Variants in ACSS2 observed in about 807,000 individuals in gnomAD.
ACSS2 encodes acetyl-coenzyme A synthetase, cytoplasmic.
Under a neutral mutation model 90.6 loss-of-function variants are expected in ACSS2, and 58 were observed. The observed-to-expected ratio is 0.64, with a 90% CI of 0.52 to 0.80. The LOEUF is 0.80. ACSS2 is among the 30% of genes least tolerant of loss of function. The probability of loss-of-function intolerance (pLI) is 0.00; values close to 1 mark genes in which losing one functional copy is unlikely to be tolerated. For missense variants in ACSS2, 759 were observed against 912.0 expected (o/e 0.83, Z 2.16); for synonymous variants, 300 against 330.9 (o/e 0.91, Z 1.01).
chr20:34,927,376 CTG>C lies in ACSS2; in HGVS notation c.*165_*166del. The C allele has an allele frequency of 2.1e-6, 2 of 937,054 alleles. No homozygotes were observed. Among genetic ancestry groups the C allele is most frequent in the Admixed American group, 2.3e-5 (1 of 43,442 alleles). The allele number at this position is 937,054 out of a possible 1,614,324, so 58.0% of individuals were successfully genotyped here. ...TTTGTCTCCAGGTAGAGACAACATC[CTG>C]TGACTGCCAGGCAGAAAGGACAGGG... On this transcript the variant is annotated 3_prime_UTR_variant, in exon 18 of 18. Transcript: ENST00000360596. This position sits in a 1 kb window ranked among gnomAD's most constrained non-coding sequence, Gnocchi z 4.2.
At position 34,913,310 on chromosome 20, in the gene ACSS2, C is replaced by CTGGGAGGGAGGCCAGCTGGA. The variant is rs1340689929; in HGVS notation, c.467-72_467-53dup. 1.9e-6 allele frequency: 3 copies of CTGGGAGGGAGGCCAGCTGGA among 1,548,228 alleles called. No homozygotes were observed. The African/African-American group carries it at 4.1e-5, about 21-fold the overall frequency. On this transcript the variant is annotated intron_variant, in intron 3 of 17. Transcript: ENST00000360596. ...GTAACAGAGGAAGAGAACAGGTCAG[C>CTGGGAGGGAGGCCAGCTGGA]TGGGAGGGAGGCCAGCTGGATGGGA... is the stretch of plus-strand genomic sequence containing the variant.
intron 1 of ACSS2, among the ~76,000 whole-genome samples, chr20:34,877,800 C>A (rs1244518238): frequency 8.4e-6 from 1 of 118,398 alleles, no homozygotes; most frequent in Non-Finnish European, 1.6e-5. Context: ...GCCTGGGCGA[C>A]AGAGCAAGAC....
chr20:34,900,158 T>A (rs79477876), intron 2 of ACSS2, among the ~76,000 whole-genome samples: 8,850 of 146,196 alleles, frequency 0.061, 945 homozygotes, highest in African/African-American at 0.22. Context: ...TCCTTGACCA[T>A]GCCTGACCTT....
intron 2 of ACSS2, among the ~76,000 whole-genome samples, chr20:34,907,819 T>C (rs1181415441): frequency 6.6e-6 from 1 of 152,234 alleles, no homozygotes; most frequent in Non-Finnish European, 1.5e-5. Flanking sequence ...TTTCCCACTT[T>C]AGTAAGCTCC....
At chr20:34,916,042 A>G (rs1270437728) in intron 7 of ACSS2, among the ~76,000 whole-genome samples, 1 of 152,192 alleles carries the variant, frequency 6.6e-6, no homozygotes, top group Non-Finnish European at 1.5e-5. Context: ...GGATTTTACC[A>G]TCTTCACAGG....
intron 2 of ACSS2, among the ~76,000 whole-genome samples, chr20:34,906,459 A>C (rs2080808895): frequency 2.0e-5 from 3 of 152,160 alleles, no homozygotes; most frequent in Admixed American, 2.0e-4. Flanking sequence ...TGTCAGAGAA[A>C]GAAGACACTG....
At chr20:34,924,391 A>G (rs1233798196) in intron 14 of ACSS2, among the ~76,000 whole-genome samples, 1 of 152,246 alleles carries the variant, frequency 6.6e-6, no homozygotes, top group Non-Finnish European at 1.5e-5. Context: ...GTGTGCAGGG[A>G]TGGCTACTGT....
chr20:34,889,393 A>C (rs2080279564), intron 2 of ACSS2, among the ~76,000 whole-genome samples: 1 of 120,228 alleles, frequency 8.3e-6, no homozygotes, highest in South Asian at 3.1e-4. Context: ...AAGTGCTGGG[A>C]TTACAGGCGT....
chr20:34,923,176 G>A, intron 13 of ACSS2, 147 bp from the exon 14 acceptor site: 2 of 624,796 alleles, frequency 3.2e-6, no homozygotes, highest in South Asian at 3.8e-5. Flanking sequence ...CTAGTAAGTG[G>A]TAGAGCTGGG....
intron 2 of ACSS2, among the ~76,000 whole-genome samples, chr20:34,905,262 GT>G (rs34401220): frequency 7.4e-4 from 103 of 139,088 alleles, no homozygotes; most frequent in East Asian, 1.0e-3. Flanking sequence ...AAATTCAGAA[GT>G]TTTTTTTTTT....
chr20:34,898,859 TC>T (rs1339393767), intron 2 of ACSS2, among the ~76,000 whole-genome samples: 1 of 148,522 alleles, frequency 6.7e-6, no homozygotes, highest in Non-Finnish European at 1.5e-5. Flanking sequence ...GGGGCGGTGC[TC>T]GTCGGGGGGG....
rs1441715187 is a variant in ACSS2 at position 34,882,818 on chromosome 20, A to C, written c.203A>C (p.Glu68Ala). ...PREFWGDIAKEFYWKTPCPGP... is the reference protein window; with the variant it reads ...PREFWGDIAKAFYWKTPCPGP... ...GAATTCTGGGGAGACATTGCCAAGGAATTTTACTGGAAGACTCCATGCCCT... is the reference window on the plus strand; with the variant it reads ...GAATTCTGGGGAGACATTGCCAAGGCATTTTACTGGAAGACTCCATGCCCT... Residue 68 changes from glutamate (E) to alanine (A), a missense_variant, in exon 2 of 18, where the codon GAA becomes GCA. By Grantham distance (107) the Glu-to-Ala change is moderately radical (BLOSUM62 -1). Coordinates refer to ENST00000360596, the MANE Select transcript of ACSS2 (RefSeq NM_018677.4). The C allele has an allele frequency of 3.1e-6, 5 of 1,612,268 alleles. No individual in the cohort carries two copies. Among genetic ancestry groups the C allele is most frequent in the Non-Finnish European group, 3.4e-6 (4 of 1,179,536 alleles).
chr20:34,889,785 A>G (rs980657723), intron 2 of ACSS2, among the ~76,000 whole-genome samples: 7 of 152,164 alleles, frequency 4.6e-5, no homozygotes, highest in Non-Finnish European at 1.0e-4. Context: ...TGAAGAACCT[A>G]TGGAATTTGC....
At chr20:34,924,902 G>C (rs2081284456) in intron 14 of ACSS2, among the ~76,000 whole-genome samples, 1 of 152,068 alleles carries the variant, frequency 6.6e-6, no homozygotes, top group African/African-American at 2.4e-5. Flanking sequence ...GTTTCACCAT[G>C]TTGGCCATGT....
intron 9 of ACSS2, 59 bp downstream of exon 9, chr20:34,920,768 C>A: frequency 6.4e-7 from 1 of 1,551,474 alleles, no homozygotes. Flanking sequence ...TGGGTGACTA[C>A]CTCCCAAGGC....
rs2079915456 is a variant in ACSS2, at chr20:34,876,617, G to GCTTTT, written c.-29_-28insCTTTT. ...TCCCGGCACCCGCCGCGACCGCAAA[G>GCTTTT]GCGGCCGCGGTTCTAGGAACTTGAC... On this transcript the variant is annotated 5_prime_UTR_variant, in exon 1 of 18. Coordinates refer to ENST00000360596, the MANE Select transcript of ACSS2 (RefSeq NM_018677.4). 1 of 1,300,634 alleles carries GCTTTT rather than the reference G, an allele frequency of 7.7e-7. No individual in the cohort carries two copies. The highest frequency in any genetic ancestry group is 4.1e-5 in the Admixed American group (1 of 24,268). 80.6% of individuals were successfully genotyped at this position (1,300,634 alleles called of 1,614,324 possible).
chr20:34,926,944 C>T lies in ACSS2; in HGVS notation c.1971C>T (p.Thr657=), dbSNP rs2081332778. 1.9e-6 allele frequency: 3 copies of T among 1,614,144 alleles called. No homozygotes were observed. Among genetic ancestry groups the T allele is most frequent in the Non-Finnish European group, 2.5e-6 (3 of 1,180,022 alleles). ...YIQNAPGLPK[T]RSGKIMRRVL... is the part of the protein sequence containing the mutation. ...AGAATGCACCTGGCTTGCCTAAAAC[C>T]CGCTCAGGTATGTTCAGAGGCCTCC... Residue 657 remains threonine, a synonymous_variant, in exon 17 of 18, where the codon ACC becomes ACT. Transcript: ENST00000360596.
At chr20:34,922,614 T>G (rs1025808033) in intron 13 of ACSS2, among the ~76,000 whole-genome samples, 15 of 152,150 alleles carry the variant, frequency 9.9e-5, no homozygotes, top group Admixed American at 6.5e-4. Context: ...CAGAAAAAAA[T>G]AATGCCTTTG....
chr20:34,902,113 G>T (rs1023300886), intron 2 of ACSS2, among the ~76,000 whole-genome samples: 9 of 151,448 alleles, frequency 5.9e-5, no homozygotes, highest in Non-Finnish European at 2.9e-5. Flanking sequence ...TCCCCATAAT[G>T]ATCCTTTAGA....
Sources: gnomAD v4.1 joint callset for allele counts (sites outside exome capture counted in the v4.1 genomes callset) on GRCh38, gnomAD v4.1.1 for gene constraint, Gnocchi (gnomAD v3.1) non-coding constraint, MANE v1.5 for transcripts, NCBI Gene and HGNC (gene_info 2026-07-23, HGNC 2026-07-21) for gene names.